CNTNAP2: variants seen among roughly 807,000 people sequenced by gnomAD.
The protein encoded by CNTNAP2 is contactin associated protein 2, also known as contactin-associated protein-like 2.
CNTNAP2 carries 98 observed loss-of-function variants against 155.2 expected under a neutral mutation model. The ratio of observed to expected loss-of-function variants is 0.63; its 90% confidence interval spans 0.54 to 0.75. The LOEUF is 0.75. Ranked by LOEUF, CNTNAP2 falls within the 30% of genes least tolerant of loss-of-function variation. The pLI is 0.00. For synonymous variants in CNTNAP2, 651 were observed against 631.2 expected, an observed-to-expected ratio of 1.03 and a Z score of -0.47; for missense variants, 1,727 against 1,688.1, an observed-to-expected ratio of 1.02 and a Z score of -0.40.
intron 9 of CNTNAP2, among the ~76,000 whole-genome samples, chr7:147,326,014 C>T (rs942151356): frequency 3.3e-5 from 5 of 152,198 alleles, no homozygotes; most frequent in African/African-American, 1.2e-4. Context: ...GCTCCACCTC[C>T]TGGGTTCATG....
chr7:148,238,005 C>T (rs1796073378), intron 20 of CNTNAP2, among the ~76,000 whole-genome samples: 1 of 152,182 alleles, frequency 6.6e-6, no homozygotes, highest in South Asian at 2.1e-4. Context: ...GCCTTATGAA[C>T]TGGAAATAGC....
At chr7:147,151,092 A>G (rs1801815574) in intron 8 of CNTNAP2, among the ~76,000 whole-genome samples, 1 of 152,240 alleles carries the variant, frequency 6.6e-6, no homozygotes, top group East Asian at 1.9e-4. Flanking sequence ...AGAGAAGGCC[A>G]AAGCTTAAAA....
At chr7:146,287,410 C>A (rs925899888) in intron 1 of CNTNAP2, among the ~76,000 whole-genome samples, 1 of 152,146 alleles carries the variant, frequency 6.6e-6, no homozygotes, top group African/African-American at 2.4e-5. Context: ...GATAAGCCTT[C>A]TGAACGTAAC....
At chr7:147,518,962 C>T (rs1457368770) in intron 11 of CNTNAP2, among the ~76,000 whole-genome samples, 1 of 146,360 alleles carries the variant, frequency 6.8e-6, no homozygotes, top group Non-Finnish European at 1.5e-5. Flanking sequence ...ACCCGGGAGG[C>T]GGAGGTTGCA....
At position 147,849,641 on chromosome 7, in the gene CNTNAP2, C is replaced by T. The variant is rs76519403; in HGVS notation, c.2099-53924C>T. On this transcript the variant is annotated intron_variant, in intron 13 of 23. Coordinates refer to ENST00000361727, the MANE Select transcript of CNTNAP2 (RefSeq NM_014141.6). ...CATGCAAAGAAACCTCTTCCTCCTG[C>T]CTGTTCTATTGTCTTGGACAATTCC... Among the ~76,000 whole-genome samples, 24 of 152,322 alleles carry T rather than the reference C, an allele frequency of 1.6e-4. No homozygotes were observed. In the East Asian group the frequency reaches 4.6e-3, roughly 29 times the overall value.
chr7:147,840,504 A>C (rs1451819398), intron 13 of CNTNAP2, among the ~76,000 whole-genome samples: 1 of 152,072 alleles, frequency 6.6e-6, no homozygotes, highest in East Asian at 1.9e-4. Flanking sequence ...GGGAGATAGG[A>C]GAGAAAGTAC....
intron 21 of CNTNAP2, among the ~76,000 whole-genome samples, chr7:148,276,238 T>C (rs1031545182): frequency 2.0e-5 from 3 of 152,036 alleles, no homozygotes; most frequent in Non-Finnish European, 4.4e-5. Flanking sequence ...CAGAATTCGA[T>C]TTGAATATAA....
chr7:146,163,905 G>A (rs1798271899), intron 1 of CNTNAP2, among the ~76,000 whole-genome samples: 1 of 152,090 alleles, frequency 6.6e-6, no homozygotes, highest in Non-Finnish European at 1.5e-5. Context: ...TCCAGACCCA[G>A]CTCTCTTCAG....
At chr7:147,720,065 T>C (rs1448345789) in intron 13 of CNTNAP2, among the ~76,000 whole-genome samples, 1 of 152,064 alleles carries the variant, frequency 6.6e-6, no homozygotes, top group Non-Finnish European at 1.5e-5. Flanking sequence ...GTTTTTTTCT[T>C]ATACTCAATG....
intron 15 of CNTNAP2, among the ~76,000 whole-genome samples, chr7:148,103,730 A>T (rs1181963822): frequency 6.6e-6 from 1 of 152,162 alleles, no homozygotes; most frequent in Non-Finnish European, 1.5e-5. Context: ...CAGAGCATTC[A>T]TTTCCGTTTG....
At chr7:147,445,754 A>G (rs1797724153) in intron 10 of CNTNAP2, among the ~76,000 whole-genome samples, 1 of 152,004 alleles carries the variant, frequency 6.6e-6, no homozygotes, top group African/African-American at 2.4e-5. Flanking sequence ...TAGTCTATCT[A>G]TGTTTCTTTC....
At chr7:147,396,773 G>A (rs4467862) in intron 10 of CNTNAP2, among the ~76,000 whole-genome samples, 97,318 of 151,812 alleles carry the variant, frequency 0.64, 32,268 homozygotes, top group African/African-American at 0.82. Flanking sequence ...ATATATTGAA[G>A]TCTTTTGAGG....
chr7:148,330,993 G>T (rs911502535), intron 21 of CNTNAP2, among the ~76,000 whole-genome samples: 1 of 149,852 alleles, frequency 6.7e-6, no homozygotes, highest in African/African-American at 2.5e-5. Context: ...TGGAATGAAC[G>T]CATGGAATGA....
intron 1 of CNTNAP2, among the ~76,000 whole-genome samples, chr7:146,770,213 G>A (rs565630560): frequency 6.6e-6 from 1 of 151,480 alleles, no homozygotes; most frequent in South Asian, 2.1e-4. Flanking sequence ...ATTTATTACT[G>A]CCACTTATGG....
chr7:148,332,464 C>T (rs190282785), intron 21 of CNTNAP2, among the ~76,000 whole-genome samples: 147 of 152,182 alleles, frequency 9.7e-4, no homozygotes, highest in African/African-American at 3.4e-3. Context: ...GGGCCTCCAG[C>T]GTTTTGAGAA....
At chr7:147,344,801 A>G (rs1291310296) in intron 9 of CNTNAP2, among the ~76,000 whole-genome samples, 1 of 152,088 alleles carries the variant, frequency 6.6e-6, no homozygotes. Context: ...TTTTTAATAA[A>G]CGTACATTAG....
intron 1 of CNTNAP2, among the ~76,000 whole-genome samples, chr7:146,708,874 C>T (rs1199418834): frequency 6.6e-6 from 1 of 151,874 alleles, no homozygotes; most frequent in Non-Finnish European, 1.5e-5. Flanking sequence ...AGGCGTGAAC[C>T]ACTGCGCCTG....
intron 3 of CNTNAP2, among the ~76,000 whole-genome samples, chr7:146,936,284 G>A (rs937190012): frequency 1.3e-5 from 2 of 152,156 alleles, no homozygotes; most frequent in African/African-American, 2.4e-5. Context: ...TGTGCTAAGT[G>A]TGACATAATC....
chr7:147,863,509 T>C (rs1159882379), intron 13 of CNTNAP2, among the ~76,000 whole-genome samples: 13 of 152,222 alleles, frequency 8.5e-5, no homozygotes, highest in Non-Finnish European at 5.9e-5. Context: ...TACCGCACTG[T>C]CTTCCACAAT....
Sources: allele counts gnomAD v4.1 joint callset (sites outside exome capture counted in the v4.1 genomes callset), GRCh38; gene constraint gnomAD v4.1.1; transcripts MANE v1.5; gene names NCBI Gene and HGNC (gene_info 2026-07-23, HGNC 2026-07-21).